SIL1: variants seen among roughly 807,000 people sequenced by gnomAD.
SIL1 encodes SIL1 nucleotide exchange factor, also known as nucleotide exchange factor SIL1.
A neutral mutation model predicts 49.1 loss-of-function variants in SIL1; 40 were observed. The observed-to-expected ratio is 0.81, with a 90% CI of 0.63 to 1.06. The LOEUF is 1.06. SIL1 is among the 50% of genes least tolerant of loss of function. The pLI is 0.00. For missense variants in SIL1, 500 were observed against 572.6 expected (o/e 0.87, Z 1.29); for synonymous variants, 253 against 250.8 (o/e 1.01, Z -0.08).
chr5:139,053,291 C>A (rs62381229), intron 3 of SIL1, among the ~76,000 whole-genome samples: 3,784 of 152,256 alleles, frequency 0.025, 70 homozygotes, highest in Non-Finnish European at 0.037. Context: ...ACCCAATCTA[C>A]CTCCCAAACT....
chr5:139,091,986 T>A (rs747246821), intron 3 of SIL1, among the ~76,000 whole-genome samples: 1 of 152,168 alleles, frequency 6.6e-6, no homozygotes, highest in Non-Finnish European at 1.5e-5. Context: ...TTAGGCCATC[T>A]AGTTTGGCTG....
At position 138,946,918 on chromosome 5, in the gene SIL1, C is replaced by G. The variant is rs538032811; in HGVS notation, c.*199G>C. 3.2e-6 allele frequency: 2 copies of G among 619,458 alleles called. No homozygotes were observed. Among genetic ancestry groups the G allele is most frequent in the Non-Finnish European group, 5.9e-6 (2 of 340,874 alleles). 38.4% of individuals were successfully genotyped at this position (619,458 alleles called of 1,614,324 possible). A position where few individuals can be genotyped will look rare whatever the true frequency, so the allele number is the denominator to read the frequency against. On this transcript the variant is annotated 3_prime_UTR_variant, in exon 10 of 10. Coordinates refer to ENST00000394817, the MANE Select transcript of SIL1 (RefSeq NM_022464.5). ...CCCTGCACGTCAGCAGAGCCCATCA[C>G]CCAACCACTCACCTGACCCCCCGGC...
intron 3 of SIL1, among the ~76,000 whole-genome samples, chr5:139,072,613 A>C (rs1193183781): frequency 6.6e-6 from 1 of 152,220 alleles, no homozygotes. Flanking sequence ...AACTACTGGA[A>C]GAAAATACAG....
intron 7 of SIL1, among the ~76,000 whole-genome samples, chr5:138,982,970 G>T (rs1307359652): frequency 6.6e-6 from 1 of 151,992 alleles, no homozygotes; most frequent in African/African-American, 2.4e-5. Flanking sequence ...GCTGAGGCAG[G>T]CAGATCACCT....
At chr5:139,150,421 C>CCTACAT (rs1561881326) in intron 1 of SIL1, among the ~76,000 whole-genome samples, 1 of 152,128 alleles carries the variant, frequency 6.6e-6, no homozygotes, top group Non-Finnish European at 1.5e-5. Flanking sequence ...CCCTACTCAG[C>CCTACAT]CATCATCAAC....
chr5:139,195,683 G>A (rs963089743), intron 1 of SIL1, among the ~76,000 whole-genome samples: 2 of 152,170 alleles, frequency 1.3e-5, no homozygotes, highest in African/African-American at 4.8e-5. Flanking sequence ...CACCATGCCC[G>A]GCCCTATTCC....
intron 3 of SIL1, among the ~76,000 whole-genome samples, chr5:139,067,672 T>A (rs1358787263): frequency 6.6e-6 from 1 of 152,230 alleles, no homozygotes; most frequent in African/African-American, 2.4e-5. Context: ...AACACATACA[T>A]AAACACTCAT....
At chr5:138,973,043 G>A (rs896633948) in intron 7 of SIL1, among the ~76,000 whole-genome samples, 2 of 152,178 alleles carry the variant, frequency 1.3e-5, no homozygotes, top group Admixed American at 6.5e-5. Context: ...CAGCAGGAGC[G>A]ACACCTGCCT....
At chr5:139,121,278 C>T in intron 2 of SIL1, 105 bp from the exon 3 acceptor site, 1 of 1,484,122 alleles carries the variant, frequency 6.7e-7, no homozygotes, top group Non-Finnish European at 9.3e-7. Context: ...GCCCCTCTCC[C>T]CCACAGCCTG....
In SIL1 at chr5:139,051,065, A is replaced by C; in HGVS notation, c.245-19T>G. 6.2e-7 allele frequency: 1 copy of C among 1,612,082 alleles called. No individual in the cohort carries two copies. Among genetic ancestry groups the C allele is most frequent in the Non-Finnish European group, 8.5e-7 (1 of 1,178,224 alleles). On this transcript the variant is annotated intron_variant, in intron 3 of 9. Coordinates refer to ENST00000394817, the MANE Select transcript of SIL1 (RefSeq NM_022464.5). Reference sequence around the variant, plus strand: ...GCCTGCCCTAAAAGCCAAGAAGAGAAAAGGCTCATGAGGTACAAGGTCTTT... The same window carrying C: ...GCCTGCCCTAAAAGCCAAGAAGAGACAAGGCTCATGAGGTACAAGGTCTTT...
At chr5:139,170,382 G>A (rs1204165756) in intron 1 of SIL1, among the ~76,000 whole-genome samples, 2 of 150,934 alleles carry the variant, frequency 1.3e-5, no homozygotes, top group East Asian at 3.9e-4. Flanking sequence ...GGAAAGTGAG[G>A]AGCGTCTCTG....
intron 1 of SIL1, among the ~76,000 whole-genome samples, chr5:139,155,033 C>T (rs1413653570): frequency 1.3e-5 from 2 of 152,166 alleles, no homozygotes. Context: ...ATTTACAGTA[C>T]CTCACTGGGG....
At chr5:139,103,697 A>G (rs1033965880) in intron 3 of SIL1, among the ~76,000 whole-genome samples, 9 of 152,204 alleles carry the variant, frequency 5.9e-5, no homozygotes, top group Non-Finnish European at 8.8e-5. Flanking sequence ...CCCTCCCCCA[A>G]TTCATTACCA....
chr5:138,977,011 A>G (rs774993724), intron 7 of SIL1, among the ~76,000 whole-genome samples: 1 of 152,144 alleles, frequency 6.6e-6, no homozygotes, highest in Non-Finnish European at 1.5e-5. Context: ...AAGCCCATTC[A>G]CACAGCACCC....
chr5:139,003,442 G>GAT (rs1768035849), intron 7 of SIL1, among the ~76,000 whole-genome samples: 1 of 152,174 alleles, frequency 6.6e-6, no homozygotes, highest in South Asian at 2.1e-4. Flanking sequence ...TCTTATGTGA[G>GAT]ATAACACAGA....
At chr5:139,192,437 T>C (rs1752190839) in intron 1 of SIL1, among the ~76,000 whole-genome samples, 1 of 152,148 alleles carries the variant, frequency 6.6e-6, no homozygotes, top group Admixed American at 6.5e-5. Context: ...CCAAAAGGGA[T>C]GATCAAGAAC....
At chr5:139,081,216 C>A (rs1770067855) in intron 3 of SIL1, among the ~76,000 whole-genome samples, 1 of 152,132 alleles carries the variant, frequency 6.6e-6, no homozygotes, top group Non-Finnish European at 1.5e-5. Flanking sequence ...TGAGAAAATG[C>A]CCTTTCAAAA....
At chr5:139,160,650 C>CA (rs1468502927) in intron 1 of SIL1, among the ~76,000 whole-genome samples, 5 of 152,032 alleles carry the variant, frequency 3.3e-5, no homozygotes, top group African/African-American at 7.2e-5. Flanking sequence ...ACCAGCCTAA[C>CA]ATGGTGAAAA....
intron 3 of SIL1, among the ~76,000 whole-genome samples, chr5:139,066,667 A>G (rs1769712599): frequency 6.6e-6 from 1 of 152,196 alleles, no homozygotes; most frequent in South Asian, 2.1e-4. Flanking sequence ...TAGGAAAATT[A>G]AAAGTGAGAC....
Sources: gnomAD v4.1 joint callset for allele counts (sites outside exome capture counted in the v4.1 genomes callset) on GRCh38, gnomAD v4.1.1 for gene constraint, MANE v1.5 for transcripts, NCBI Gene and HGNC (gene_info 2026-07-23, HGNC 2026-07-21) for gene names.